The following EFCAB8 variants were observed in gnomAD, a reference collection of about 807,000 sequenced individuals.
The protein encoded by EFCAB8 is EF-hand calcium binding domain 8.
In EFCAB8, 100 loss-of-function variants were observed where a neutral mutation model predicts 116.3. The observed-to-expected ratio is 0.86, with a 90% CI of 0.73 to 1.02. The LOEUF (loss-of-function observed/expected upper bound fraction) is 1.02, where lower values mean the gene tolerates loss of function less well. EFCAB8 is among the 50% of genes least tolerant of loss of function. EFCAB8 has a pLI of 0.00. For synonymous variants in EFCAB8, 558 were observed against 567.9 expected (o/e 0.98, Z 0.25); for missense variants, 1,320 against 1,416.9 (o/e 0.93, Z 1.10).
At chr20:32,952,206 A>G (rs1047442815) in intron 23 of EFCAB8, among the ~76,000 whole-genome samples, 2 of 152,146 alleles carry the variant, frequency 1.3e-5, no homozygotes, top group African/African-American at 4.8e-5. Context: ...TTGAAGATGC[A>G]GTAATCTGTG....
At position 32,898,661 on chromosome 20, in the gene EFCAB8, T is replaced by C. The variant is rs1290340362; in HGVS notation, c.1088+38T>C. 4.3e-6 allele frequency: 3 copies of C among 705,356 alleles called. No individual in the cohort carries two copies. The African/African-American group carries it at 5.3e-5, about 12-fold the overall frequency. 43.7% of individuals were successfully genotyped at this position (705,356 alleles called of 1,614,324 possible). A position where few individuals can be genotyped will look rare whatever the true frequency, so the allele number is the denominator to read the frequency against. Reference sequence around the variant, plus strand: ...TCTCTCCTGGCTAAGGCGGTGGGGCTGGAAGGGAGGGGGGTGGTGAGTGGA... The same window carrying C: ...TCTCTCCTGGCTAAGGCGGTGGGGCCGGAAGGGAGGGGGGTGGTGAGTGGA... On this transcript the variant is annotated intron_variant, in intron 11 of 26. Coordinates refer to ENST00000400522, the MANE Select transcript of EFCAB8 (RefSeq NM_001143967.2).
chr20:32,948,591 A>T (rs1003325502), intron 23 of EFCAB8, among the ~76,000 whole-genome samples: 6 of 151,934 alleles, frequency 3.9e-5, no homozygotes, highest in Admixed American at 3.9e-4. Context: ...AAAAGAAAGG[A>T]AAAGAAAGCA....
At chr20:32,947,728 C>A (rs1237482305) in intron 23 of EFCAB8, among the ~76,000 whole-genome samples, 2 of 151,816 alleles carry the variant, frequency 1.3e-5, no homozygotes, top group Non-Finnish European at 2.9e-5. Context: ...ATTTGTAGCA[C>A]TAAATGCCTA....
At chr20:32,952,097 CA>C (rs200154212) in intron 23 of EFCAB8, among the ~76,000 whole-genome samples, 7 of 150,176 alleles carry the variant, frequency 4.7e-5, no homozygotes, top group South Asian at 4.2e-4. Flanking sequence ...CTTGTTTCTA[CA>C]AAAAAAAATA....
chr20:32,938,946 C>G (rs564122892), intron 22 of EFCAB8, among the ~76,000 whole-genome samples: 2 of 145,770 alleles, frequency 1.4e-5, no homozygotes, highest in East Asian at 4.0e-4. Context: ...TTCCCTCCCT[C>G]CCTTCCTTCC....
At chr20:32,954,918 A>G (rs1444248453) in intron 23 of EFCAB8, among the ~76,000 whole-genome samples, 1 of 152,184 alleles carries the variant, frequency 6.6e-6, no homozygotes, top group East Asian at 1.9e-4. Flanking sequence ...CTTTTAATAT[A>G]TTGTTGAATT....
chr20:32,915,922 C>G (rs989772042), intron 17 of EFCAB8, among the ~76,000 whole-genome samples: 1 of 152,068 alleles, frequency 6.6e-6, no homozygotes, highest in Admixed American at 6.6e-5. Flanking sequence ...ATCCACCTGT[C>G]TCAGTTCCCA....
chr20:32,947,727 A>ACTAAATG lies in EFCAB8; in HGVS notation c.2959+3925_2959+3931dup, dbSNP rs1254029115. On this transcript the variant is annotated intron_variant, in intron 23 of 26. Coordinates refer to ENST00000400522, the MANE Select transcript of EFCAB8 (RefSeq NM_001143967.2). The stretch of plus-strand genomic sequence containing the variant: ...CAGTAGTAACGGGGAAATTTGTAGC[A>ACTAAATG]CTAAATGCCTATATTAGAAGGAAAA... Among the ~76,000 whole-genome samples the ACTAAATG allele has an allele frequency of 2.0e-5, 3 of 152,254 alleles. No homozygotes were observed. The East Asian group carries it at 5.8e-4, about 29-fold the overall frequency.
At chr20:32,948,469 C>T (rs1033524853) in intron 23 of EFCAB8, among the ~76,000 whole-genome samples, 1 of 149,208 alleles carries the variant, frequency 6.7e-6, no homozygotes, top group African/African-American at 2.5e-5. Flanking sequence ...TACTTCCCAA[C>T]TCATGAGGCA....
At chr20:32,959,724 G>A in intron 24 of EFCAB8, 54 bp from the exon 25 acceptor site, 1 of 1,356,204 alleles carries the variant, frequency 7.4e-7, no homozygotes, top group Non-Finnish European at 9.9e-7. Context: ...TTCTGGGAGG[G>A]TCACCCTGCT....
At chr20:32,887,839 A>G (rs1174801896) in intron 6 of EFCAB8, among the ~76,000 whole-genome samples, 1 of 152,196 alleles carries the variant, frequency 6.6e-6, no homozygotes, top group Non-Finnish European at 1.5e-5. Flanking sequence ...TTCAACTTTC[A>G]TTATTCCATT....
intron 22 of EFCAB8, among the ~76,000 whole-genome samples, chr20:32,934,561 GGTTTGGTTGTGTC>G (rs1449334483): frequency 2.6e-5 from 4 of 152,152 alleles, no homozygotes; most frequent in African/African-American, 9.7e-5. Context: ...TGGTTGATAT[GGTTTGGTTGTGTC>G]CCCACACAAA....
chr20:32,917,676 C>T (rs909409446), intron 18 of EFCAB8, among the ~76,000 whole-genome samples, 171 bp downstream of exon 18: 6 of 152,120 alleles, frequency 3.9e-5, no homozygotes, highest in Non-Finnish European at 8.8e-5. Context: ...TAATTATCCT[C>T]ATTGGACAGA....
chr20:32,861,617 A>G (rs1302898779), intron 1 of EFCAB8, among the ~76,000 whole-genome samples: 1 of 152,166 alleles, frequency 6.6e-6, no homozygotes, highest in Non-Finnish European at 1.5e-5. Flanking sequence ...GATTGCCATG[A>G]GCCTGGTGTG....
chr20:32,926,160 G>T (rs1008718492), intron 20 of EFCAB8, among the ~76,000 whole-genome samples: 2 of 152,222 alleles, frequency 1.3e-5, no homozygotes, highest in African/African-American at 2.4e-5. Context: ...CAAAGGAATG[G>T]CTGGGAAGGA....
chr20:32,918,133 C>T (rs1374272428), intron 18 of EFCAB8, among the ~76,000 whole-genome samples: 1 of 152,270 alleles, frequency 6.6e-6, no homozygotes, highest in Non-Finnish European at 1.5e-5. Flanking sequence ...GATGAGAAGA[C>T]TTGAGTTCCT....
intron 5 of EFCAB8, among the ~76,000 whole-genome samples, chr20:32,879,467 C>T (rs1320094903): frequency 6.6e-6 from 1 of 152,196 alleles, no homozygotes; most frequent in Non-Finnish European, 1.5e-5. Context: ...TCCCTCTACC[C>T]ATCTGAGGTT....
intron 23 of EFCAB8, among the ~76,000 whole-genome samples, chr20:32,954,783 T>G (rs748033877): frequency 1.2e-4 from 18 of 152,220 alleles, no homozygotes; most frequent in Non-Finnish European, 2.4e-4. Flanking sequence ...TTTTTCTGCT[T>G]CTACTGTGAT....
intron 22 of EFCAB8, among the ~76,000 whole-genome samples, chr20:32,933,281 G>A (rs1987976222): frequency 6.6e-6 from 1 of 152,034 alleles, no homozygotes; most frequent in South Asian, 2.1e-4. Flanking sequence ...GGATTATATT[G>A]TATGTAACTG....
Sources: allele counts gnomAD v4.1 joint callset (sites outside exome capture counted in the v4.1 genomes callset), GRCh38; gene constraint gnomAD v4.1.1; transcripts MANE v1.5; gene names NCBI Gene and HGNC (gene_info 2026-07-23, HGNC 2026-07-21).